Variants in REXO1 observed in about 807,000 individuals in gnomAD.
REXO1 encodes RNA exonuclease 1 homolog.
Under a neutral mutation model 102.6 loss-of-function variants are expected in REXO1, and 42 were observed. The observed-to-expected ratio is 0.41, with a 90% CI of 0.32 to 0.53. The LOEUF (loss-of-function observed/expected upper bound fraction) is 0.53, where lower values mean the gene tolerates loss of function less well. Among genes scored for constraint, REXO1 ranks in the 20% least tolerant of loss-of-function variants. The probability of loss-of-function intolerance (pLI) is 0.27; values close to 1 mark genes in which losing one functional copy is unlikely to be tolerated. For synonymous variants in REXO1, 908 were observed against 779.1 expected (o/e 1.17, Z -2.76); for missense variants, 1,819 against 1,732.5 (o/e 1.05, Z -0.89).
Position 1,819,999 on chromosome 19 carries a change from T to A in REXO1, c.2585A>T (p.Asn862Ile), listed in dbSNP as rs374402982. 14 of 1,598,944 alleles carry A rather than the reference T, an allele frequency of 8.8e-6. No homozygotes were observed. Among genetic ancestry groups the A allele is most frequent in the Non-Finnish European group, 1.1e-5 (13 of 1,175,824 alleles). Residue 862 changes from asparagine to isoleucine, a missense_variant, in exon 7 of 16, where the codon AAT (asparagine) becomes ATT (isoleucine). Transcript: ENST00000170168. Reference sequence around the variant, plus strand: ...CTTCTTGAGGGTGTTCACGGCCACATTCAGGTAGATGTTCTTGCTGGGGCT... The same window carrying A: ...CTTCTTGAGGGTGTTCACGGCCACAATCAGGTAGATGTTCTTGCTGGGGCT... ...DRSPSKNIYL[N>I]VAVNTLKKLR... is the part of the protein sequence containing the mutation.
Position 1,828,196 on chromosome 19 carries a change from G to A in REXO1, c.593C>T (p.Ala198Val). The A allele has an allele frequency of 1.2e-6, 2 of 1,605,830 alleles. No homozygotes were observed. The highest frequency in any genetic ancestry group is 2.2e-5 in the South Asian group (2 of 90,398). ...GQGRGGGGGG[A>V]LEYVPKAVSQ... ...CACAGCCTTGGGGACGTATTCCAGG[G>A]CACCGCCACCCCCTCCACCTCTGCC... Residue 198 changes from alanine (A) to valine (V), a missense_variant, in exon 2 of 16, where the codon GCC becomes GTC. Ala to Val is a moderately conservative substitution (Grantham distance 64). Coordinates refer to ENST00000170168, the MANE Select transcript of REXO1 (RefSeq NM_020695.4).
At chr19:1,824,104 C>A in intron 3 of REXO1, 1 of 286,514 alleles carries the variant, frequency 3.5e-6, no homozygotes, top group Non-Finnish European at 6.5e-6. Flanking sequence ...TAATCTTCCT[C>A]AAAGCCCCTC....
At position 1,827,313 on chromosome 19, in the gene REXO1, T is replaced by C; in HGVS notation, c.1476A>G (p.Leu492=). The change falls in exon 2 of 16, where the codon CTA becomes CTG. Residue 492 remains leucine, a synonymous_variant. Coordinates refer to ENST00000170168, the MANE Select transcript of REXO1 (RefSeq NM_020695.4). The part of the protein sequence containing the change: ...RKSTKAPSGK[L]VERKARSLDE... ...CTAGTGAGCGGGCTTTCCGCTCCACTAGCTTCCCCGACGGGGCCTTGGTGC... is the reference window on the plus strand; with the variant it reads ...CTAGTGAGCGGGCTTTCCGCTCCACCAGCTTCCCCGACGGGGCCTTGGTGC... 3 of 1,561,170 alleles carry C rather than the reference T, an allele frequency of 1.9e-6. No homozygotes were observed. The highest frequency in any genetic ancestry group is 1.8e-5 in the Admixed American group (1 of 55,384).
chr19:1,831,073 C>G (rs1225273818), intron 1 of REXO1, among the ~76,000 whole-genome samples: 1 of 152,176 alleles, frequency 6.6e-6, no homozygotes, highest in East Asian at 1.9e-4. Context: ...CAAAGGCGCA[C>G]GGGCCCACAC....
intron 1 of REXO1, chr19:1,830,853 T>G: frequency 6.4e-6 from 1 of 156,258 alleles, no homozygotes; most frequent in South Asian, 1.7e-4. Context: ...CAGATGCGTC[T>G]GGTGCAGCCT....
At position 1,825,830 on chromosome 19, in the gene REXO1, G is replaced by C; in HGVS notation, c.2016+9C>G. ...AGGCTCCTGCTGGCCTGGCCTCTGCGGACCTTACCTCCTGGCCTTGCTTGG... is the reference window on the plus strand; with the variant it reads ...AGGCTCCTGCTGGCCTGGCCTCTGCCGACCTTACCTCCTGGCCTTGCTTGG... On this transcript the variant is annotated intron_variant, in intron 3 of 15. Transcript: ENST00000170168. 1.3e-6 allele frequency: 2 copies of C among 1,580,290 alleles called. No individual in the cohort carries two copies. Among genetic ancestry groups the C allele is most frequent in the Non-Finnish European group, 1.7e-6 (2 of 1,150,838 alleles).
intron 3 of REXO1, among the ~76,000 whole-genome samples, chr19:1,825,529 G>A (rs2069689510): frequency 1.3e-5 from 2 of 151,456 alleles, no homozygotes; most frequent in Admixed American, 6.6e-5. Context: ...AGGCTGGAGT[G>A]CAGTGGTGCA....
chr19:1,817,838 G>A lies in REXO1; in HGVS notation c.3017-58C>T, dbSNP rs1225819594. Reference sequence around the variant, plus strand: ...GGCCAGGCCCACTCCACAGCCCCCGGGGCACTGACCACCTGCATCTACCGA... The same window carrying A: ...GGCCAGGCCCACTCCACAGCCCCCGAGGCACTGACCACCTGCATCTACCGA... On this transcript the variant is annotated intron_variant, in intron 10 of 15. Coordinates refer to ENST00000170168, the MANE Select transcript of REXO1 (RefSeq NM_020695.4). The A allele has an allele frequency of 2.8e-6, 4 of 1,424,768 alleles. No homozygotes were observed. The African/African-American group carries it at 4.2e-5, about 15-fold the overall frequency. The allele number at this position is 1,424,768 out of a possible 1,614,324, so 88.3% of individuals were successfully genotyped here.
At chr19:1,848,168 C>A in intron 1 of REXO1, 34 bp downstream of exon 1, 1 of 1,120,828 alleles carries the variant, frequency 8.9e-7, no homozygotes, top group South Asian at 4.5e-5. Flanking sequence ...GGCAGGGGAG[C>A]CGAGCCCAAG....
rs771100066 is a variant in REXO1 at position 1,821,543 on chromosome 19, T to A, written c.2370A>T (p.Arg790=). 1 of 1,613,390 alleles carries A rather than the reference T, an allele frequency of 6.2e-7. No homozygotes were observed. The highest frequency in any genetic ancestry group is 8.5e-7 in the Non-Finnish European group (1 of 1,179,762). Residue 790 remains arginine, a synonymous_variant, in exon 5 of 16, where the codon CGA becomes CGT. Coordinates refer to ENST00000170168, the MANE Select transcript of REXO1 (RefSeq NM_020695.4). ...SKTTTTIIPK[R]IAHSPSLQSL... is the part of the protein sequence containing the mutation. Reference sequence around the variant, plus strand: ...CCTGTAAGGATGGACTGTGGGCGATTCGCTTAGGGATGATGGTGGTGGTAG... The same window carrying A: ...CCTGTAAGGATGGACTGTGGGCGATACGCTTAGGGATGATGGTGGTGGTAG...
Position 1,823,665 on chromosome 19 carries a change from CG to C in REXO1, c.2136del (p.Ala713ProfsTer58). 2 of 1,293,782 alleles carry C rather than the reference CG, an allele frequency of 1.5e-6. No homozygotes were observed. Among genetic ancestry groups the C allele is most frequent in the Non-Finnish European group, 9.9e-7 (1 of 1,012,948 alleles). 80.1% of individuals were successfully genotyped at this position (1,293,782 alleles called of 1,614,324 possible). ...GAGGGCGACTTCTCTGCCAGCCTGG[CG>C]GGGGCCTGCAGCAAGCTCGCCGATG... ...QRASASLLQA[P>X]ARLAEKSPSV... is the part of the protein sequence containing the mutation. On this transcript the variant is annotated frameshift_variant, in exon 4 of 16. Coordinates refer to ENST00000170168, the MANE Select transcript of REXO1 (RefSeq NM_020695.4). LOFTEE classifies it high-confidence loss of function.
At position 1,826,321 on chromosome 19, in the gene REXO1, G is replaced by C. The variant is rs1011748359; in HGVS notation, c.1912-378C>G. 6.6e-6 allele frequency among the ~76,000 whole-genome samples: 1 copy of C among 152,024 alleles called. No homozygotes were observed. The highest frequency in any genetic ancestry group is 1.5e-5 in the Non-Finnish European group (1 of 67,996). The stretch of plus-strand genomic sequence containing the variant: ...CCCTGGTGGCCAATTTGGGGACACG[G>C]GGCCAGGAGACCCAGGGGTCCAGGG... On this transcript the variant is annotated intron_variant, in intron 2 of 15. Coordinates refer to ENST00000170168, the MANE Select transcript of REXO1 (RefSeq NM_020695.4). The surrounding 1 kb of genome is among the most constrained non-coding windows in gnomAD (Gnocchi z 4.3).
At position 1,819,051 on chromosome 19, in the gene REXO1, G is replaced by C; in HGVS notation, c.2731C>G (p.Arg911Gly). Residue 911 changes from arginine to glycine, a missense_variant, in exon 8 of 16, where the codon CGT (arginine) becomes GGT (glycine). Transcript: ENST00000170168. ...LAAKTSFSLS[R>G]PSSPRVEDLK... ...TCCTCCACCCGGGGGCTGCTTGGAC[G>C]GCTGAGCGAGAAGCTGGTCTTGGCG... 2 of 1,602,804 alleles carry C rather than the reference G, an allele frequency of 1.2e-6. No individual in the cohort carries two copies. Among genetic ancestry groups the C allele is most frequent in the South Asian group, 1.1e-5 (1 of 90,104 alleles).
At position 1,815,678 on chromosome 19, in the gene REXO1, T is replaced by C; in HGVS notation, c.*388A>G. Reference sequence around the variant, plus strand: ...AACAATACAAAATAAAAAAAGACTGTCTCAAACAAACCTGGGACAAGCCCG... The same window carrying C: ...AACAATACAAAATAAAAAAAGACTGCCTCAAACAAACCTGGGACAAGCCCG... On this transcript the variant is annotated 3_prime_UTR_variant, in exon 16 of 16. Coordinates refer to ENST00000170168, the MANE Select transcript of REXO1 (RefSeq NM_020695.4). The surrounding 1 kb of genome is among the most constrained non-coding windows in gnomAD (Gnocchi z 4.0). The C allele has an allele frequency of 7.7e-7, 1 of 1,295,676 alleles. No homozygotes were observed. The allele number at this position is 1,295,676 out of a possible 1,614,324, so 80.3% of individuals were successfully genotyped here. A position where few individuals can be genotyped will look rare whatever the true frequency, so the allele number is the denominator to read the frequency against.
chr19:1,821,074 A>G (rs1278028114), intron 5 of REXO1, among the ~76,000 whole-genome samples: 6 of 144,296 alleles, frequency 4.2e-5, no homozygotes, highest in Non-Finnish European at 9.2e-5. Flanking sequence ...GCGGTCGGGC[A>G]TGGTGGCTCA....
Position 1,816,349 on chromosome 19 carries a change from T to TG in REXO1, c.3457-5dup. On this transcript the variant is annotated splice_region_variant and splice_polypyrimidine_tract_variant and intron_variant, in intron 14 of 15. Coordinates refer to ENST00000170168, the MANE Select transcript of REXO1 (RefSeq NM_020695.4). ...CCACCACGGTGCTGTGGATGACCTG[T>TG]GGGCAGCGGCAGAGATCAGCGCACG... 6.3e-7 allele frequency: 1 copy of TG among 1,590,148 alleles called. No individual in the cohort carries two copies.
intron 11 of REXO1, 178 bp from the exon 12 acceptor site, chr19:1,817,507 C>CAA (rs2069405590): frequency 6.8e-7 from 1 of 1,465,108 alleles, no homozygotes; most frequent in Admixed American, 2.4e-5. Flanking sequence ...ACAGGGAGGA[C>CAA]GGCTTCCCAG....
Position 1,825,820 on chromosome 19 carries a change from T to A in REXO1, c.2016+19A>T. On this transcript the variant is annotated intron_variant, in intron 3 of 15. Coordinates refer to ENST00000170168, the MANE Select transcript of REXO1 (RefSeq NM_020695.4). ...AAAAAAAAAAAGGCTCCTGCTGGCC[T>A]GGCCTCTGCGGACCTTACCTCCTGG... 7.0e-7 allele frequency: 1 copy of A among 1,431,670 alleles called. No individual in the cohort carries two copies. Among genetic ancestry groups the A allele is most frequent in the Non-Finnish European group, 9.8e-7 (1 of 1,019,536 alleles). The allele number at this position is 1,431,670 out of a possible 1,614,324, so 88.7% of individuals were successfully genotyped here.
chr19:1,827,598 G>A lies in REXO1; in HGVS notation c.1191C>T (p.Asp397=). ...GCCCTCGGCCCTTGTCCTTGGTCTTGTCCTTCCCCTGGGCCCCGTCTTTGC... is the reference window on the plus strand; with the variant it reads ...GCCCTCGGCCCTTGTCCTTGGTCTTATCCTTCCCCTGGGCCCCGTCTTTGC... The part of the protein sequence containing the change: ...PSCKDGAQGK[D]KTKDKGRGRP... Residue 397 remains aspartate (D), a synonymous_variant, in exon 2 of 16, where the codon GAC becomes GAT. Coordinates refer to ENST00000170168, the MANE Select transcript of REXO1 (RefSeq NM_020695.4). 4.4e-6 allele frequency: 7 copies of A among 1,587,850 alleles called. No homozygotes were observed. Among genetic ancestry groups the A allele is most frequent in the Non-Finnish European group, 6.0e-6 (7 of 1,175,026 alleles).
Sources: gnomAD v4.1 joint callset for allele counts (sites outside exome capture counted in the v4.1 genomes callset) on GRCh38, gnomAD v4.1.1 for gene constraint, Gnocchi (gnomAD v3.1) non-coding constraint, MANE v1.5 for transcripts, NCBI Gene and HGNC (gene_info 2026-07-23, HGNC 2026-07-21) for gene names.